The following DPP6 variants were observed in gnomAD, a reference collection of about 807,000 sequenced individuals.
DPP6 encodes the protein A-type potassium channel modulatory protein DPP6.
DPP6 carries 69 observed loss-of-function variants against 122.6 expected under a neutral mutation model. That is an observed-to-expected ratio of 0.56 (90% CI 0.46 to 0.69). DPP6 has a LOEUF of 0.69. Among genes scored for constraint, DPP6 ranks in the 30% least tolerant of loss-of-function variants. DPP6 has a pLI of 0.00. For synonymous variants in DPP6, 418 were observed against 433.1 expected (o/e 0.97, Z 0.43); for missense variants, 928 against 1,116.9 (o/e 0.83, Z 2.41).
At chr7:153,829,156 C>T in the DPP6 span, among the ~76,000 whole-genome samples, 1 of 152,148 alleles carries the variant, frequency 6.6e-6, no homozygotes, top group African/African-American at 2.4e-5. Context: ...TATTATAAAA[C>T]ACTCAAAGTC....
chr7:154,334,188 G>GAAA (rs11302452), intron 1 of DPP6, among the ~76,000 whole-genome samples: 4 of 145,670 alleles, frequency 2.7e-5, no homozygotes, highest in Admixed American at 1.4e-4. Context: ...ACAGAAAATG[G>GAAA]AAAAAAAAAA....
chr7:154,061,622 G>T (rs1318287129), intron 1 of DPP6, among the ~76,000 whole-genome samples: 3 of 139,430 alleles, frequency 2.2e-5, no homozygotes, highest in Non-Finnish European at 4.7e-5. Context: ...ATCACAGGGG[G>T]GGGAGGCACC....
chr7:154,564,686 T>C (rs181726071), intron 4 of DPP6, among the ~76,000 whole-genome samples: 118 of 152,358 alleles, frequency 7.7e-4, no homozygotes, highest in African/African-American at 2.7e-3. Context: ...TAGAAATGCT[T>C]ATAATCTATC....
Position 154,709,600 on chromosome 7 carries a change from T to TTC in DPP6, c.763-18167_763-18166insTC, listed in dbSNP as rs397761310. Among the ~76,000 whole-genome samples the TTC allele has an allele frequency of 2.0e-5, 3 of 149,732 alleles. No homozygotes were observed. The South Asian group carries it at 6.4e-4, about 32-fold the overall frequency. On this transcript the variant is annotated intron_variant, in intron 7 of 25. Transcript: ENST00000377770. ...ACGACATTTTTCTTTTTTTTTTTTT[T>TTC]CAAATATTCCACAAAAAACAAATAC...
chr7:154,530,388 C>T (rs1351037356), intron 3 of DPP6, among the ~76,000 whole-genome samples: 3 of 151,968 alleles, frequency 2.0e-5, no homozygotes, highest in African/African-American at 7.3e-5. Flanking sequence ...CAAAACAGCT[C>T]AATCTAAAGC....
chr7:154,463,190 CTTTTCTTTTTTT>C (rs1821447368), intron 2 of DPP6, among the ~76,000 whole-genome samples: 1 of 114,176 alleles, frequency 8.8e-6, no homozygotes, highest in Non-Finnish European at 1.8e-5. Flanking sequence ...TTTACTTCTC[CTTTTCTTTTTTT>C]TTTTTTTTTT....
At chr7:154,532,456 G>C (rs1827913579) in intron 3 of DPP6, among the ~76,000 whole-genome samples, 1 of 152,012 alleles carries the variant, frequency 6.6e-6, no homozygotes, top group African/African-American at 2.4e-5. Flanking sequence ...TAAATTAAAA[G>C]TGAAGCAAAA....
chr7:154,657,086 CAT>C (rs1303124613), intron 6 of DPP6, among the ~76,000 whole-genome samples: 3 of 51,030 alleles, frequency 5.9e-5, no homozygotes, highest in African/African-American at 1.3e-4. Context: ...AGGAGGTGCT[CAT>C]GGGTGGGTGG....
chr7:154,211,126 C>T (rs1799718074), intron 1 of DPP6, among the ~76,000 whole-genome samples: 1 of 152,156 alleles, frequency 6.6e-6, no homozygotes, highest in African/African-American at 2.4e-5. Context: ...TTACTTGGAC[C>T]CAGTTGTCTT....
chr7:154,239,981 G>C (rs1309757924), intron 1 of DPP6, among the ~76,000 whole-genome samples: 2 of 104,424 alleles, frequency 1.9e-5, no homozygotes, highest in African/African-American at 7.4e-5. Context: ...GACAGAGTAA[G>C]ATGCTGTCTT....
intron 6 of DPP6, among the ~76,000 whole-genome samples, chr7:154,650,622 C>T (rs575772431): frequency 2.6e-5 from 4 of 152,252 alleles, no homozygotes; most frequent in South Asian, 4.1e-4. Flanking sequence ...TTGATTGAGT[C>T]GAGCTGTCTG....
At chr7:153,853,457 TG>T in the DPP6 span, among the ~76,000 whole-genome samples, 16 of 152,210 alleles carry the variant, frequency 1.1e-4, no homozygotes, top group Admixed American at 9.8e-4. Context: ...ACTAGAAACC[TG>T]GGCTATCTTT....
chr7:154,116,619 T>A (rs1807005254), intron 1 of DPP6, among the ~76,000 whole-genome samples: 1 of 152,222 alleles, frequency 6.6e-6, no homozygotes, highest in East Asian at 1.9e-4. Context: ...TATCCCTTCA[T>A]CTCAACCGTC....
chr7:154,402,041 C>T (rs1354136543), intron 1 of DPP6, among the ~76,000 whole-genome samples: 2 of 152,114 alleles, frequency 1.3e-5, no homozygotes, highest in East Asian at 3.9e-4. Context: ...ATCAAAACCA[C>T]AATGAGATGC....
In DPP6 at chr7:154,052,744, G is replaced by A. The variant is rs1800454471; in HGVS notation, c.-77G>A. On this transcript the variant is annotated 5_prime_UTR_variant, in exon 1 of 26. Transcript: ENST00000377770. The surrounding 1 kb of genome is among the most constrained non-coding windows in gnomAD (Gnocchi z 4.8). Reference sequence around the variant, plus strand: ...CCTTTTTTTTTTTTTAATCTGGAGCGGGGTGGGGAGTGGGAACCGGAGAGA... The same window carrying A: ...CCTTTTTTTTTTTTTAATCTGGAGCAGGGTGGGGAGTGGGAACCGGAGAGA... 11 of 1,348,410 alleles carry A rather than the reference G, an allele frequency of 8.2e-6. No homozygotes were observed. In the South Asian group the frequency reaches 1.1e-4, roughly 14 times the overall value. The allele number at this position is 1,348,410 out of a possible 1,614,324, so 83.5% of individuals were successfully genotyped here.
chr7:154,391,454 A>C lies in DPP6; in HGVS notation c.244-54760A>C, dbSNP rs575658195. On this transcript the variant is annotated intron_variant, in intron 1 of 25. Coordinates refer to ENST00000377770, the MANE Select transcript of DPP6 (RefSeq NM_130797.4). ...TTGGCGTTCCTCATCATTGGTAGGC[A>C]CATCTCTGAATGTGCGTCTTTCCAG... Among the ~76,000 whole-genome samples, 84 of 152,286 alleles carry C rather than the reference A, an allele frequency of 5.5e-4. 1 individual carries two copies. Among genetic ancestry groups the C allele is most frequent in the Middle Eastern group, 3.4e-3 (1 of 294 alleles).
intron 1 of DPP6, among the ~76,000 whole-genome samples, chr7:153,941,933 G>A (rs572908918): frequency 2.3e-4 from 35 of 152,156 alleles, no homozygotes; most frequent in African/African-American, 8.4e-4. Context: ...AGCTCTTGTA[G>A]CTGCATATTT....
chr7:154,632,377 G>GA (rs1835458656), intron 5 of DPP6, among the ~76,000 whole-genome samples: 1 of 152,182 alleles, frequency 6.6e-6, no homozygotes, highest in African/African-American at 2.4e-5. Context: ...ATGGATTTGA[G>GA]AAAGACTTAG....
At chr7:153,839,567 G>T in the DPP6 span, among the ~76,000 whole-genome samples, 1 of 152,156 alleles carries the variant, frequency 6.6e-6, no homozygotes, top group African/African-American at 2.4e-5. Context: ...AGTCCCACTG[G>T]GCAGGCTCCT....
Sources: allele counts gnomAD v4.1 joint callset (sites outside exome capture counted in the v4.1 genomes callset), GRCh38; gene constraint gnomAD v4.1.1; non-coding constraint Gnocchi (gnomAD v3.1); transcripts MANE v1.5; gene names NCBI Gene and HGNC (gene_info 2026-07-23, HGNC 2026-07-21).